MPZL2: variants seen among roughly 807,000 people sequenced by gnomAD.
The protein encoded by MPZL2 is myelin protein zero-like protein 2.
A neutral mutation model predicts 24.5 loss-of-function variants in MPZL2; 32 were observed. The observed-to-expected ratio is 1.31, with a 90% confidence interval of 0.99 to 1.76. The LOEUF (loss-of-function observed/expected upper bound fraction) is 1.76. MPZL2 is among the 40% of genes most tolerant of loss of function. The pLI is 0.00. For missense variants in MPZL2, 304 were observed against 274.9 expected (o/e 1.11, Z -0.75); for synonymous variants, 92 against 97.9 (o/e 0.94, Z 0.36).
At chr11:118,262,819 G>T in intron 2 of MPZL2, 112 bp downstream of exon 2, 1 of 1,433,158 alleles carries the variant, frequency 7.0e-7, no homozygotes, top group Non-Finnish European at 9.6e-7. Flanking sequence ...TTGTTTCCGA[G>T]CTTAACCTTG....
At chr11:118,262,747 C>T in intron 2 of MPZL2, 99 bp from the exon 3 acceptor site, 1 of 1,374,234 alleles carries the variant, frequency 7.3e-7, no homozygotes, top group South Asian at 1.2e-5. Context: ...ACCCAACTGT[C>T]CTGTCTGCAG....
intron 5 of MPZL2, chr11:118,256,762 A>C (rs1949662765): frequency 1.3e-5 from 2 of 152,260 alleles, no homozygotes; most frequent in Non-Finnish European, 2.9e-5. Context: ...TGTAGTTATT[A>C]GTGCCAATAA....
chr11:118,263,884 C>G (rs960408930), intron 1 of MPZL2, among the ~76,000 whole-genome samples: 24 of 152,146 alleles, frequency 1.6e-4, no homozygotes, highest in Admixed American at 4.6e-4. Flanking sequence ...GCCTGAATCA[C>G]TGGCAGCTGA....
intron 4 of MPZL2, among the ~76,000 whole-genome samples, chr11:118,258,856 A>G (rs1949679474): frequency 1.3e-5 from 2 of 152,144 alleles, no homozygotes; most frequent in Non-Finnish European, 2.9e-5. Flanking sequence ...TGCCATCGGT[A>G]AAAGCTCCCT....
At chr11:118,260,233 T>C in intron 3 of MPZL2, 32 bp from the exon 4 acceptor site, 1 of 1,602,334 alleles carries the variant, frequency 6.2e-7, no homozygotes, top group Non-Finnish European at 8.5e-7. Context: ...ATTAGGATTC[T>C]AAAAAGAAGA....
At chr11:118,263,179 A>G (rs1949715769) in intron 1 of MPZL2, 82 bp from the exon 2 acceptor site, 2 of 1,388,700 alleles carry the variant, frequency 1.4e-6, no homozygotes, top group Admixed American at 4.2e-5. Context: ...CAAAATAAAT[A>G]TCTGAGTAGG....
rs761760630 is a variant in MPZL2 at position 118,264,188 on chromosome 11, G to C, written c.-35C>G. On this transcript the variant is annotated 5_prime_UTR_variant, in exon 1 of 6. Transcript: ENST00000278937. ...CCAGCCTTGGCCCCAGAGACCGGAC[G>C]GGGCAGACCGAGGGCTCCAACACCC... The C allele has an allele frequency of 1.2e-6, 2 of 1,610,516 alleles. No homozygotes were observed. The highest frequency in any genetic ancestry group is 4.5e-5 in the East Asian group (2 of 44,852).
chr11:118,256,518 C>T (rs1477009324), intron 5 of MPZL2, among the ~76,000 whole-genome samples: 4 of 152,134 alleles, frequency 2.6e-5, no homozygotes, highest in East Asian at 1.9e-4. Context: ...GGTGTAGTGG[C>T]GCGCACCTGT....
intron 4 of MPZL2, among the ~76,000 whole-genome samples, chr11:118,258,915 A>G (rs1336053878): frequency 6.6e-6 from 1 of 151,504 alleles, no homozygotes; most frequent in African/African-American, 2.4e-5. Context: ...TTGTACATCC[A>G]CAGAACCGTG....
Position 118,262,945 on chromosome 11 carries a change from C to T in MPZL2, c.211G>A (p.Gly71Arg). Residue 71 changes from glycine (G) to arginine (R), a missense_variant, in exon 2 of 6, where the codon GGA (glycine) becomes AGA (arginine). By Grantham distance (125) the Gly-to-Arg change is moderately radical (BLOSUM62 -2). Coordinates refer to ENST00000278937, the MANE Select transcript of MPZL2 (RefSeq NM_005797.4). Reference sequence around the variant, plus strand: ...AATCTACTTACAAACTGCTCAGGTCCCCCGTCTAGAGGACGAAAATTCCAG... The same window carrying T: ...AATCTACTTACAAACTGCTCAGGTCTCCCGTCTAGAGGACGAAAATTCCAG... The part of the protein sequence containing the change: ...VTWNFRPLDG[G>R]PEQFVFYYHI... 1 of 1,614,022 alleles carries T rather than the reference C, an allele frequency of 6.2e-7. No homozygotes were observed. Among genetic ancestry groups the T allele is most frequent in the Non-Finnish European group, 8.5e-7 (1 of 1,179,962 alleles).
intron 5 of MPZL2, 89 bp downstream of exon 5, chr11:118,257,149 A>C: frequency 4.3e-6 from 4 of 937,016 alleles, no homozygotes; most frequent in Non-Finnish European, 6.6e-6. Context: ...CCTAACAGCC[A>C]TAAAGTGATG....
intron 3 of MPZL2, among the ~76,000 whole-genome samples, chr11:118,260,609 G>T (rs942241735): frequency 1.3e-5 from 2 of 152,142 alleles, no homozygotes; most frequent in African/African-American, 4.8e-5. Flanking sequence ...CAAACGTAGT[G>T]CCCAACCCAT....
chr11:118,263,831 C>CA (rs981505508), intron 1 of MPZL2, among the ~76,000 whole-genome samples: 17 of 151,938 alleles, frequency 1.1e-4, no homozygotes, highest in African/African-American at 2.4e-4. Flanking sequence ...CAGCCACACA[C>CA]AAAAAAATGG....
intron 3 of MPZL2, among the ~76,000 whole-genome samples, chr11:118,261,157 A>G (rs1949697991): frequency 6.6e-6 from 1 of 152,270 alleles, no homozygotes; most frequent in Non-Finnish European, 1.5e-5. Context: ...CAGATGAAGA[A>G]ACTGAGGTCC....
In MPZL2 at chr11:118,263,005, T is replaced by C. The variant is rs1949712882; in HGVS notation, c.151A>G (p.Ser51Gly). The C allele has an allele frequency of 2.5e-6, 4 of 1,614,074 alleles. No homozygotes were observed. Among genetic ancestry groups the C allele is most frequent in the Non-Finnish European group, 3.4e-6 (4 of 1,180,030 alleles). The change falls in exon 2 of 6, where the codon AGC (serine) becomes GGC (glycine). Residue 51 changes from serine (S) to glycine (G), a missense_variant. Transcript: ENST00000278937. ...TDARLKCTFS[S>G]FAPVGDALTV... Reference sequence around the variant, plus strand: ...AGAGCATCACCCACAGGGGCAAAGCTGGAGAAAGTGCATTTTAACCGAGCA... The same window carrying C: ...AGAGCATCACCCACAGGGGCAAAGCCGGAGAAAGTGCATTTTAACCGAGCA...
intron 5 of MPZL2, chr11:118,256,795 A>C (rs1288869184): frequency 6.6e-6 from 1 of 152,368 alleles, no homozygotes; most frequent in African/African-American, 2.4e-5. Context: ...AGTTGAAATC[A>C]ATTCCAAATA....
rs1195844758 is a variant in MPZL2 at position 118,254,600 on chromosome 11, AT to A, written c.*645del. 1 of 152,260 alleles carries A rather than the reference AT, an allele frequency of 6.6e-6. No homozygotes were observed. Among genetic ancestry groups the A allele is most frequent in the Admixed American group, 6.5e-5 (1 of 15,282 alleles). 9.4% of individuals were successfully genotyped at this position (152,260 alleles called of 1,614,324 possible). A position where few individuals can be genotyped will look rare whatever the true frequency, so the allele number is the denominator to read the frequency against. On this transcript the variant is annotated 3_prime_UTR_variant, in exon 6 of 6. Transcript: ENST00000278937. ...TGTAACCTTTTGTAGTTACTGTGTG[AT>A]TTAGCGTTGTGCTATTGTAAATCTT...
chr11:118,259,940 A>T, intron 4 of MPZL2, 114 bp downstream of exon 4: 1 of 1,232,778 alleles, frequency 8.1e-7, no homozygotes, highest in Non-Finnish European at 1.1e-6. Flanking sequence ...GAATTCTTTT[A>T]TATAGGATTT....
chr11:118,260,103 G>T lies in MPZL2; in HGVS notation c.535C>A (p.Arg179=), dbSNP rs562108254. The change falls in exon 4 of 6, where the codon CGG becomes AGG. Residue 179 remains arginine (R), a synonymous_variant. Transcript: ENST00000278937. ...GCTCTTTCGGCCCATCGCTTTTTCC[G>T]GTAATGCTGGAAGAGGACCACTACA... ...VIVVVLFQHY[R]KKRWAERAHK... 6.2e-7 allele frequency: 1 copy of T among 1,613,998 alleles called. No homozygotes were observed. Among genetic ancestry groups the T allele is most frequent in the South Asian group, 1.1e-5 (1 of 91,074 alleles).
Sources: allele counts gnomAD v4.1 joint callset (sites outside exome capture counted in the v4.1 genomes callset), GRCh38; gene constraint gnomAD v4.1.1; transcripts MANE v1.5; gene names NCBI Gene and HGNC (gene_info 2026-07-23, HGNC 2026-07-21).